The following SAMMSON variants were observed in gnomAD, a reference collection of about 807,000 sequenced individuals.
SAMMSON encodes long intergenic non-protein coding RNA 1212.
intron 4 of SAMMSON, among the ~76,000 whole-genome samples, chr3:70,164,961 T>C (rs2067631151): frequency 6.6e-6 from 1 of 152,070 alleles, no homozygotes; most frequent in Non-Finnish European, 1.5e-5. Context: ...GAAGAAACAG[T>C]GCATTAGTAT....
chr3:70,020,397 A>T (rs2067008264), intron 3 of SAMMSON, among the ~76,000 whole-genome samples: 1 of 152,204 alleles, frequency 6.6e-6, no homozygotes, highest in Non-Finnish European at 1.5e-5. Flanking sequence ...AAAGGAACTG[A>T]AATTATGCAA....
At chr3:70,240,085 G>A (rs766856255) in intron 4 of SAMMSON, among the ~76,000 whole-genome samples, 6 of 152,000 alleles carry the variant, frequency 3.9e-5, no homozygotes, top group Non-Finnish European at 8.8e-5. Flanking sequence ...TTTTACACAG[G>A]ACATTTCTTT....
chr3:70,196,657 T>C (rs1354340385), intron 4 of SAMMSON, among the ~76,000 whole-genome samples: 1 of 152,198 alleles, frequency 6.6e-6, no homozygotes, highest in Non-Finnish European at 1.5e-5. Flanking sequence ...AAACATCTTG[T>C]ACCTACAGCA....
chr3:70,093,224 A>C (rs1232711477), intron 4 of SAMMSON, among the ~76,000 whole-genome samples: 2 of 152,168 alleles, frequency 1.3e-5, no homozygotes, highest in Non-Finnish European at 2.9e-5. Context: ...GCGCACTGAC[A>C]GAGAGCACAC....
intron 4 of SAMMSON, among the ~76,000 whole-genome samples, chr3:70,163,385 G>A (rs892329658): frequency 2.7e-5 from 4 of 148,918 alleles, no homozygotes; most frequent in African/African-American, 4.9e-5. Flanking sequence ...AGTTATCTTT[G>A]GTTGCTCTGG....
intron 4 of SAMMSON, among the ~76,000 whole-genome samples, chr3:70,152,287 T>G (rs532947322): frequency 6.6e-6 from 1 of 152,000 alleles, no homozygotes; most frequent in African/African-American, 2.4e-5. Flanking sequence ...GCATTGACAG[T>G]CCCTAAAAGT....
chr3:70,227,080 C>T (rs1447801125), intron 4 of SAMMSON, among the ~76,000 whole-genome samples: 1 of 152,002 alleles, frequency 6.6e-6, no homozygotes, highest in Non-Finnish European at 1.5e-5. Flanking sequence ...TCCTTTGATC[C>T]CCAGCACACA....
chr3:70,159,345 G>T (rs192342605), intron 4 of SAMMSON, among the ~76,000 whole-genome samples: 2,500 of 151,280 alleles, frequency 0.017, 30 homozygotes, highest in South Asian at 0.033. Flanking sequence ...CCCACAAGAG[G>T]CCCCAGTGTG....
chr3:70,209,479 G>A (rs566437501), intron 4 of SAMMSON, among the ~76,000 whole-genome samples: 1 of 152,136 alleles, frequency 6.6e-6, no homozygotes, highest in Non-Finnish European at 1.5e-5. Flanking sequence ...AGTCTAGGAG[G>A]TAGATATTGT....
chr3:70,084,184 C>T (rs1388853528), intron 4 of SAMMSON, among the ~76,000 whole-genome samples: 2 of 152,138 alleles, frequency 1.3e-5, no homozygotes, highest in South Asian at 2.1e-4. Context: ...GCATGAGATT[C>T]GTAAACAAAC....
chr3:70,096,740 G>A (rs1382265541), intron 4 of SAMMSON, among the ~76,000 whole-genome samples: 1 of 152,146 alleles, frequency 6.6e-6, no homozygotes, highest in Non-Finnish European at 1.5e-5. Flanking sequence ...GAATTAATTA[G>A]TTAATTAACA....
At chr3:70,037,449 A>G (rs1039681065) in intron 3 of SAMMSON, among the ~76,000 whole-genome samples, 1 of 152,102 alleles carries the variant, frequency 6.6e-6, no homozygotes, top group Non-Finnish European at 1.5e-5. Context: ...GACTACTTTT[A>G]TCTCCAGTGC....
intron 3 of SAMMSON, among the ~76,000 whole-genome samples, chr3:70,031,391 G>A (rs148807190): frequency 7.9e-5 from 12 of 152,216 alleles, no homozygotes; most frequent in Admixed American, 3.9e-4. Flanking sequence ...GGGGGAGATA[G>A]GGGGTATGGA....
At chr3:70,363,909 G>A (rs1350773476) in intron 9 of SAMMSON, among the ~76,000 whole-genome samples, 4 of 151,380 alleles carry the variant, frequency 2.6e-5, no homozygotes, top group African/African-American at 7.3e-5. Flanking sequence ...TTTTACGTGA[G>A]CATTTAATAT....
rs2067496958 is a variant in SAMMSON, at chr3:70,134,317, G to A, written n.507+62752G>A. Among the ~76,000 whole-genome samples the A allele has an allele frequency of 4.7e-5, 7 of 149,526 alleles. No homozygotes were observed. The South Asian group carries it at 1.1e-3, about 23-fold the overall frequency. ...TGTGAAGAAGTTTGTGCCCAGTAGT[G>A]TTCCTGATACATAGAAAGTATTCAA... On this transcript the variant is annotated intron_variant and non_coding_transcript_variant, in intron 4 of 9. Coordinates refer to ENST00000642114, the Ensembl canonical transcript of SAMMSON.
chr3:70,242,828 GGTGGCTGTGGAAATA>G (rs1463738868), intron 4 of SAMMSON, among the ~76,000 whole-genome samples: 4 of 152,084 alleles, frequency 2.6e-5, no homozygotes, highest in Non-Finnish European at 5.9e-5. Flanking sequence ...TTGTCTGGTG[GGTGGCTGTGGAAATA>G]TGGAGTATTT....
At chr3:70,222,130 C>G (rs1029001889) in intron 4 of SAMMSON, among the ~76,000 whole-genome samples, 1 of 152,162 alleles carries the variant, frequency 6.6e-6, no homozygotes, top group African/African-American at 2.4e-5. Flanking sequence ...CACAGCTTCT[C>G]CCTGTCTCCC....
chr3:70,126,854 T>A (rs1340323379), intron 4 of SAMMSON: 1 of 160,534 alleles, frequency 6.2e-6, no homozygotes, highest in Non-Finnish European at 1.3e-5. Flanking sequence ...TAGCTGGGAT[T>A]ACAAGCATGT....
intron 3 of SAMMSON, among the ~76,000 whole-genome samples, chr3:70,070,922 C>T (rs768647605): frequency 9.9e-5 from 15 of 152,106 alleles, no homozygotes; most frequent in Admixed American, 3.3e-4. Flanking sequence ...AAGCCCCAGA[C>T]GTCTGAGCTT....
Sources: gnomAD v4.1 joint callset for allele counts (sites outside exome capture counted in the v4.1 genomes callset) on GRCh38, gnomAD v4.1.1 for gene constraint, MANE v1.5 for transcripts, NCBI Gene and HGNC (gene_info 2026-07-23, HGNC 2026-07-21) for gene names.